The following ATG7 variants were observed in gnomAD, a reference collection of about 807,000 sequenced individuals.
The protein encoded by ATG7 is ubiquitin-like modifier-activating enzyme ATG7.
In ATG7, 70 loss-of-function variants were observed where a neutral mutation model predicts 82.4. The observed-to-expected ratio is 0.85, with a 90% CI of 0.70 to 1.04. The LOEUF is 1.04. Among genes scored for constraint, ATG7 ranks in the 50% least tolerant of loss-of-function variants. The pLI is 0.00. For synonymous variants in ATG7, 287 were observed against 313.0 expected, an observed-to-expected ratio of 0.92 and a Z score of 0.88; for missense variants, 792 against 864.3, an observed-to-expected ratio of 0.92 and a Z score of 1.05.
At chr3:11,306,232 G>A (rs1947714840) in intron 5 of ATG7, among the ~76,000 whole-genome samples, 1 of 152,250 alleles carries the variant, frequency 6.6e-6, no homozygotes, top group African/African-American at 2.4e-5. Context: ...GGCTTGCCCA[G>A]CAGCAGTTTT....
chr3:11,559,384 C>T (rs886614682), downstream of ATG7: 10 of 1,556,468 alleles, frequency 6.4e-6, no homozygotes, highest in Admixed American at 1.2e-4. Context: ...AGCCGCTGTG[C>T]GCGATGGGGC....
intron 13 of ATG7, among the ~76,000 whole-genome samples, chr3:11,342,598 T>C (rs1463458149): frequency 6.6e-6 from 1 of 152,198 alleles, no homozygotes. Context: ...CTGATATTTA[T>C]TTGTATTTAT....
At chr3:11,536,570 G>C (rs1339910362) in intron 20 of ATG7, among the ~76,000 whole-genome samples, 2 of 152,222 alleles carry the variant, frequency 1.3e-5, no homozygotes, top group Non-Finnish European at 2.9e-5. Flanking sequence ...GAGGATGTTT[G>C]TGTTCCACGG....
chr3:11,374,650 A>G (rs2077257984), intron 18 of ATG7, among the ~76,000 whole-genome samples: 1 of 152,152 alleles, frequency 6.6e-6, no homozygotes, highest in African/African-American at 2.4e-5. Flanking sequence ...TCACGCCTGT[A>G]ATCCCAGCAC....
chr3:11,414,530 C>T (rs535967375), intron 19 of ATG7, among the ~76,000 whole-genome samples: 3 of 152,148 alleles, frequency 2.0e-5, no homozygotes, highest in African/African-American at 7.2e-5. Flanking sequence ...ATCAGAATAC[C>T]CTTTATTTCT....
chr3:11,377,434 G>A (rs968111888), intron 18 of ATG7, among the ~76,000 whole-genome samples: 5 of 151,946 alleles, frequency 3.3e-5, no homozygotes, highest in African/African-American at 9.7e-5. Context: ...TCTATTCCTC[G>A]CCACCTGTGG....
At chr3:11,277,388 C>CT (rs1489452133) in intron 1 of ATG7, 2 of 152,458 alleles carry the variant, frequency 1.3e-5, no homozygotes, top group East Asian at 1.9e-4. Flanking sequence ...ATACAGAACT[C>CT]TATCAGGGGA....
chr3:11,367,963 C>T (rs1422882593), intron 18 of ATG7, among the ~76,000 whole-genome samples: 1 of 151,880 alleles, frequency 6.6e-6, no homozygotes, highest in Non-Finnish European at 1.5e-5. Context: ...TTATACCCAG[C>T]ACACAGATCA....
intron 3 of ATG7, among the ~76,000 whole-genome samples, chr3:11,298,455 G>A (rs1327090279): frequency 6.6e-6 from 1 of 152,154 alleles, no homozygotes; most frequent in African/African-American, 2.4e-5. Flanking sequence ...GTTTCACAAC[G>A]TTGTGATTAT....
At chr3:11,521,181 C>A (rs182815616) in intron 20 of ATG7, among the ~76,000 whole-genome samples, 2 of 151,540 alleles carry the variant, frequency 1.3e-5, no homozygotes, top group Non-Finnish European at 2.9e-5. Context: ...CAGTAGAGCC[C>A]TAGGCAGCCA....
rs560514323 is a variant in ATG7, at chr3:11,392,492, A to G, written c.1956+12440A>G. Among the ~76,000 whole-genome samples, 8 of 151,996 alleles carry G rather than the reference A, an allele frequency of 5.3e-5. No individual in the cohort carries two copies. In the South Asian group the frequency reaches 1.7e-3, roughly 32 times the overall value. On this transcript the variant is annotated intron_variant, in intron 19 of 20. Coordinates refer to ENST00000693202, the MANE Select transcript of ATG7 (RefSeq NM_001349232.2). ...CAAACAAAAAAAACAAAACAAAACA[A>G]AAAAACAAAAGCTTAGGTATCATTG...
rs113923893 is a variant in ATG7, at chr3:11,370,855, GT to G, written c.1875+6131del. 5.4e-3 allele frequency among the ~76,000 whole-genome samples: 790 copies of G among 147,388 alleles called. 46 individuals carry two copies. The highest frequency in any genetic ancestry group is 0.016 in the African/African-American group (651 of 39,986). Reference sequence around the variant, plus strand: ...TGTTGAGTTTTTGTTCGGGAGTTTTGTTTTTTTTTTAATTCCTCTAGCCTCT... The same window carrying G: ...TGTTGAGTTTTTGTTCGGGAGTTTTGTTTTTTTTTAATTCCTCTAGCCTCT... On this transcript the variant is annotated intron_variant, in intron 18 of 20. Coordinates refer to ENST00000693202, the MANE Select transcript of ATG7 (RefSeq NM_001349232.2).
chr3:11,369,738 T>C (rs2076869729), intron 18 of ATG7, among the ~76,000 whole-genome samples: 1 of 151,168 alleles, frequency 6.6e-6, no homozygotes, highest in Non-Finnish European at 1.5e-5. Flanking sequence ...CAGAAGCATC[T>C]CAGATTGCAT....
intron 20 of ATG7, among the ~76,000 whole-genome samples, chr3:11,428,187 G>C (rs571347169): frequency 3.8e-4 from 58 of 152,252 alleles, no homozygotes; most frequent in African/African-American, 1.4e-3. Context: ...TGATTGCATG[G>C]GTGCAAAGAT....
intron 15 of ATG7, among the ~76,000 whole-genome samples, chr3:11,359,377 A>G (rs2076141556): frequency 6.6e-6 from 1 of 152,156 alleles, no homozygotes; most frequent in South Asian, 2.1e-4. Context: ...AGAACTATGA[A>G]AAGTTGTTAT....
At chr3:11,331,541 T>G (rs1315206993) in intron 10 of ATG7, 113 bp downstream of exon 10, 2 of 955,366 alleles carry the variant, frequency 2.1e-6, no homozygotes, top group Non-Finnish European at 3.3e-6. Context: ...TTTTTTCATT[T>G]TGGGCATGGA....
In ATG7 at chr3:11,438,094, C is replaced by T. The variant is rs558005056; in HGVS notation, c.2079+11168C>T. ...CTTTTTAATTCCCTTGACACCCTCA[C>T]GCTCCTCTCTAAATGGGGAGACACA... On this transcript the variant is annotated intron_variant, in intron 20 of 20. Coordinates refer to ENST00000693202, the MANE Select transcript of ATG7 (RefSeq NM_001349232.2). 1.1e-4 allele frequency among the ~76,000 whole-genome samples: 16 copies of T among 152,274 alleles called. 1 individual carries two copies. In the South Asian group the frequency reaches 3.3e-3, roughly 32 times the overall value.
rs10628540 is a variant in ATG7, at chr3:11,469,988, C to CAAAAAAAAAAAA, written c.2079+43072_2079+43083dup. ...TGGGTGACGGAACGAGACTCCATCT[C>CAAAAAAAAAAAA]AAAAAAAAAAAAAAAAAAAAAGAGA... is the stretch of plus-strand genomic sequence containing the variant. On this transcript the variant is annotated intron_variant, in intron 20 of 20. Transcript: ENST00000693202. Among the ~76,000 whole-genome samples, 248 of 87,510 alleles carry CAAAAAAAAAAAA rather than the reference C, an allele frequency of 2.8e-3. 14 individuals carry two copies. The highest frequency in any genetic ancestry group is 0.011 in the African/African-American group (226 of 20,904). 57.4% of individuals were successfully genotyped at this position (87,510 alleles called of 152,430 possible).
At chr3:11,373,645 C>G (rs934006160) in intron 18 of ATG7, among the ~76,000 whole-genome samples, 1 of 152,194 alleles carries the variant, frequency 6.6e-6, no homozygotes, top group African/African-American at 2.4e-5. Context: ...AATTTTTCTC[C>G]ACCCAAGCAA....
Sources: allele counts gnomAD v4.1 joint callset (sites outside exome capture counted in the v4.1 genomes callset), GRCh38; gene constraint gnomAD v4.1.1; transcripts MANE v1.5; gene names NCBI Gene and HGNC (gene_info 2026-07-23, HGNC 2026-07-21).